Variants in PDE10A observed in about 807,000 individuals in gnomAD.
PDE10A encodes phosphodiesterase 10A.
In PDE10A, 39 loss-of-function variants were observed where a neutral mutation model predicts 97.7. That is an observed-to-expected ratio of 0.40 (90% CI 0.31 to 0.52). PDE10A has a LOEUF of 0.52. PDE10A is among the 20% of genes least tolerant of loss of function. The pLI is 0.56. For missense variants in PDE10A, 731 were observed against 1,047.8 expected (o/e 0.70, Z 4.17); for synonymous variants, 371 against 376.8 (o/e 0.98, Z 0.18).
At chr6:165,347,016 A>G (rs1782357892) in intron 18 of PDE10A, among the ~76,000 whole-genome samples, 1 of 152,042 alleles carries the variant, frequency 6.6e-6, no homozygotes, top group Non-Finnish European at 1.5e-5. Context: ...TAATTATTTT[A>G]CTTTAAAATA....
At chr6:165,903,764 C>A (rs1583262204) in intron 1 of PDE10A, among the ~76,000 whole-genome samples, 1 of 151,566 alleles carries the variant, frequency 6.6e-6, no homozygotes, top group South Asian at 2.1e-4. Flanking sequence ...GCTGAGTACT[C>A]CAACATTTAG....
chr6:165,333,568 C>T (rs1048827333), intron 21 of PDE10A, among the ~76,000 whole-genome samples: 2 of 152,192 alleles, frequency 1.3e-5, no homozygotes, highest in Non-Finnish European at 2.9e-5. Flanking sequence ...GAGGCCTAAA[C>T]CTCATCATCT....
intron 1 of PDE10A, among the ~76,000 whole-genome samples, chr6:165,818,564 T>C (rs2128468663): frequency 6.6e-6 from 1 of 152,310 alleles, no homozygotes; most frequent in South Asian, 2.1e-4. Context: ...TGCCCTTAGA[T>C]CAGAGATGTG....
chr6:165,875,443 A>G (rs1253657314), intron 1 of PDE10A, among the ~76,000 whole-genome samples: 1 of 152,248 alleles, frequency 6.6e-6, no homozygotes, highest in Non-Finnish European at 1.5e-5. Flanking sequence ...ACGCAGGGGC[A>G]TTTAATAGTC....
intron 1 of PDE10A, among the ~76,000 whole-genome samples, chr6:165,716,526 T>C (rs532530095): frequency 6.6e-6 from 1 of 152,328 alleles, no homozygotes; most frequent in South Asian, 2.1e-4. Context: ...ATTAGCACCA[T>C]CAGTGACTTG....
intron 10 of PDE10A, among the ~76,000 whole-genome samples, chr6:165,424,618 G>C (rs1788984133): frequency 6.6e-6 from 1 of 152,090 alleles, no homozygotes; most frequent in Non-Finnish European, 1.5e-5. Context: ...CATTTTATAA[G>C]TGTAGCATAA....
chr6:165,816,544 G>T (rs1779418892), intron 1 of PDE10A, among the ~76,000 whole-genome samples: 1 of 152,164 alleles, frequency 6.6e-6, no homozygotes, highest in Non-Finnish European at 1.5e-5. Context: ...ATAAGAACGG[G>T]GGCCTTGCTT....
intron 1 of PDE10A, among the ~76,000 whole-genome samples, chr6:165,625,610 T>C (rs1315308708): frequency 6.6e-6 from 1 of 152,044 alleles, no homozygotes; most frequent in Non-Finnish European, 1.5e-5. Flanking sequence ...TGGTGAGAGG[T>C]AATTGCATCA....
intron 10 of PDE10A, among the ~76,000 whole-genome samples, chr6:165,425,811 T>C (rs1460612240): frequency 8.4e-6 from 1 of 118,858 alleles, no homozygotes; most frequent in African/African-American, 3.3e-5. Context: ...ATGTATGTAA[T>C]CCACTAAGAA....
intron 1 of PDE10A, among the ~76,000 whole-genome samples, chr6:165,575,704 C>G (rs968792343): frequency 1.3e-5 from 2 of 152,224 alleles, no homozygotes; most frequent in African/African-American, 4.8e-5. Context: ...AAAGAGTAGT[C>G]CAGTGCTTAT....
Position 165,663,052 on chromosome 6 carries a change from C to T in PDE10A, c.-241G>A, listed in dbSNP as rs1410925384. Among the ~76,000 whole-genome samples the T allele has an allele frequency of 6.6e-6, 1 of 151,650 alleles. No homozygotes were observed. The highest frequency in any genetic ancestry group is 1.5e-5 in the Non-Finnish European group (1 of 67,836). ...CCCGGCGACGGCGCCTGGCTACCCT[C>T]AGGCGCGCACAATCGGCGTCCTCCC... On this transcript the variant is annotated 5_prime_UTR_variant, in exon 1 of 22. Coordinates refer to ENST00000539869, the MANE Select transcript of PDE10A (RefSeq NM_001385079.1).
chr6:165,372,470 C>A (rs1784322661), intron 18 of PDE10A, among the ~76,000 whole-genome samples: 1 of 119,508 alleles, frequency 8.4e-6, no homozygotes, highest in Non-Finnish European at 1.7e-5. Context: ...AGTGAACTCC[C>A]ATTCACAGTT....
intron 1 of PDE10A, among the ~76,000 whole-genome samples, chr6:165,903,639 T>G (rs1460817483): frequency 2.6e-5 from 4 of 152,074 alleles, no homozygotes; most frequent in East Asian, 1.9e-4. Context: ...TCATCGGAAG[T>G]TGGAAGGATA....
chr6:165,470,450 T>G (rs1169907792), intron 3 of PDE10A, among the ~76,000 whole-genome samples: 3 of 152,198 alleles, frequency 2.0e-5, no homozygotes, highest in Admixed American at 2.0e-4. Context: ...TAAAATCCAG[T>G]ATTAAAAACT....
chr6:165,387,265 G>C (rs1785375468), intron 17 of PDE10A, among the ~76,000 whole-genome samples: 1 of 152,152 alleles, frequency 6.6e-6, no homozygotes, highest in Admixed American at 6.5e-5. Flanking sequence ...AATTCGAAGA[G>C]CACCCACAAT....
At chr6:165,960,300 A>G (rs1340624039) in intron 1 of PDE10A, among the ~76,000 whole-genome samples, 1 of 152,244 alleles carries the variant, frequency 6.6e-6, no homozygotes, top group Non-Finnish European at 1.5e-5. Flanking sequence ...TTTTCCTGGA[A>G]CACAGCACAA....
chr6:165,981,471 G>T (rs1785013330), intron 1 of PDE10A, among the ~76,000 whole-genome samples: 1 of 152,184 alleles, frequency 6.6e-6, no homozygotes. Context: ...GGCACATGGG[G>T]TGACTTTGTC....
intron 3 of PDE10A, among the ~76,000 whole-genome samples, chr6:165,461,451 T>C (rs1432492613): frequency 1.3e-5 from 2 of 152,214 alleles, no homozygotes; most frequent in African/African-American, 4.8e-5. Context: ...AGACGCCCTA[T>C]ACTTCAGCTC....
Position 165,550,659 on chromosome 6 carries a change from CTTGTT to C in PDE10A, c.866-7096_866-7092del, listed in dbSNP as rs149671992. Among the ~76,000 whole-genome samples, 408 of 152,198 alleles carry C rather than the reference CTTGTT, an allele frequency of 2.7e-3. 1 individual carries two copies. The highest frequency in any genetic ancestry group is 8.8e-3 in the African/African-American group (367 of 41,546). ...TAAGATATTTTTGGTTTATTCATAT[CTTGTT>C]TTGTTTTTTCCATCCATAAACCCAG... On this transcript the variant is annotated intron_variant, in intron 1 of 21. Transcript: ENST00000539869.
Sources: gnomAD v4.1 joint callset for allele counts (sites outside exome capture counted in the v4.1 genomes callset) on GRCh38, gnomAD v4.1.1 for gene constraint, MANE v1.5 for transcripts, NCBI Gene and HGNC (gene_info 2026-07-23, HGNC 2026-07-21) for gene names.